The following PRKD1 variants were observed in gnomAD, a reference collection of about 807,000 sequenced individuals.
The protein encoded by PRKD1 is serine/threonine-protein kinase D1.
In PRKD1, 63 loss-of-function variants were observed where a neutral mutation model predicts 95.9. That is an observed-to-expected ratio of 0.66 (90% CI 0.54 to 0.81). The LOEUF (loss-of-function observed/expected upper bound fraction) is 0.81. PRKD1 is among the 30% of genes least tolerant of loss of function. The pLI is 0.00. For missense variants in PRKD1, 1,048 were observed against 1,165.3 expected (o/e 0.90, Z 1.47); for synonymous variants, 425 against 423.1 (o/e 1.00, Z -0.05).
rs1478186657 is a variant in PRKD1, at chr14:29,636,325, T to C, written c.1155A>G (p.Pro385=). 1 of 1,614,242 alleles carries C rather than the reference T, an allele frequency of 6.2e-7. No individual in the cohort carries two copies. The highest frequency in any genetic ancestry group is 8.5e-7 in the Non-Finnish European group (1 of 1,180,034). The change falls in exon 7 of 18, where the codon CCA becomes CCG. Residue 385 remains proline, a synonymous_variant. Coordinates refer to ENST00000331968, the MANE Select transcript of PRKD1 (RefSeq NM_002742.3). ...CQNDSGEMQD[P]DPDHEDANRT... ...TGTTGGCGTCCTCGTGGTCTGGGTC[T>C]GGATCTTGCATCTCGCCACTGTCGT...
chr14:29,636,473 T>G lies in PRKD1; in HGVS notation c.1007A>C (p.Glu336Ala), dbSNP rs1880385680. ...CCCTTCTTCCATGACCACATCAGAC[T>G]CTGCCCCAGGGCTAAGCAAATCTAG... The part of the protein sequence containing the change: ...INGDLLSPGA[E>A]SDVVMEEGSD... Residue 336 changes from glutamate to alanine, a missense_variant, in exon 7 of 18, where the codon GAG becomes GCG. This residue lies in a region of PRKD1 where 739 missense variants were observed against 861.9 expected (regional missense o/e 0.86). Coordinates refer to ENST00000331968, the MANE Select transcript of PRKD1 (RefSeq NM_002742.3). 1 of 1,614,166 alleles carries G rather than the reference T, an allele frequency of 6.2e-7. No homozygotes were observed. The highest frequency in any genetic ancestry group is 8.5e-7 in the Non-Finnish European group (1 of 1,180,010).
intron 1 of PRKD1, among the ~76,000 whole-genome samples, chr14:29,768,954 T>C (rs541679578): frequency 2.0e-5 from 3 of 152,278 alleles, no homozygotes; most frequent in South Asian, 2.1e-4. Context: ...GTCAGGTCAC[T>C]TGTGATCCCT....
At chr14:29,765,126 C>A (rs921138999) in intron 1 of PRKD1, among the ~76,000 whole-genome samples, 3 of 152,002 alleles carry the variant, frequency 2.0e-5, no homozygotes, top group Non-Finnish European at 2.9e-5. Context: ...TGGGAGTGTA[C>A]CTTCATTCTA....
At chr14:29,655,712 A>C (rs139847985) in intron 4 of PRKD1, among the ~76,000 whole-genome samples, 1 of 152,048 alleles carries the variant, frequency 6.6e-6, no homozygotes, top group African/African-American at 2.4e-5. Context: ...GGCTTAACTA[A>C]AACCTTTTTT....
At chr14:29,668,814 G>A (rs903054482) in intron 2 of PRKD1, among the ~76,000 whole-genome samples, 1 of 152,214 alleles carries the variant, frequency 6.6e-6, no homozygotes, top group Admixed American at 6.5e-5. Flanking sequence ...ATGACAAGTT[G>A]AGACTGATAT....
intron 1 of PRKD1, among the ~76,000 whole-genome samples, chr14:29,846,819 A>C (rs1158190341): frequency 1.3e-5 from 2 of 152,182 alleles, no homozygotes; most frequent in East Asian, 3.9e-4. Context: ...CAGAGTTGGG[A>C]TACATTGTAA....
intron 1 of PRKD1, among the ~76,000 whole-genome samples, chr14:29,741,748 A>C (rs1479833623): frequency 6.6e-6 from 1 of 152,082 alleles, no homozygotes; most frequent in African/African-American, 2.4e-5. Flanking sequence ...CTAAAAACTA[A>C]GGTTTTCTTA....
At chr14:29,878,286 C>A (rs1254418463) in intron 1 of PRKD1, among the ~76,000 whole-genome samples, 1 of 148,136 alleles carries the variant, frequency 6.8e-6, no homozygotes, top group Non-Finnish European at 1.5e-5. Context: ...TGCACATGTA[C>A]CCTGAATCTA....
At chr14:29,624,387 A>G in intron 12 of PRKD1, 129 bp from the exon 13 acceptor site, 1 of 521,778 alleles carries the variant, frequency 1.9e-6, no homozygotes, top group Non-Finnish European at 3.3e-6. Context: ...ATTTCTAAAG[A>G]GCACTGACTT....
At chr14:29,838,156 A>T (rs1247874553) in intron 1 of PRKD1, among the ~76,000 whole-genome samples, 2 of 152,158 alleles carry the variant, frequency 1.3e-5, no homozygotes, top group Non-Finnish European at 2.9e-5. Context: ...TAATACCTTT[A>T]GATAGGTTTT....
chr14:29,579,814 T>C (rs1173342927), intron 16 of PRKD1, among the ~76,000 whole-genome samples: 4 of 152,186 alleles, frequency 2.6e-5, no homozygotes, highest in Non-Finnish European at 5.9e-5. Context: ...GCCTATACAC[T>C]CTTGCCTTAC....
At chr14:29,742,232 G>A (rs1465833772) in intron 1 of PRKD1, among the ~76,000 whole-genome samples, 3 of 152,176 alleles carry the variant, frequency 2.0e-5, no homozygotes. Flanking sequence ...GCATGCAGGA[G>A]AGGAAAGGAG....
At chr14:29,612,215 T>C (rs977939121) in intron 13 of PRKD1, among the ~76,000 whole-genome samples, 1 of 152,192 alleles carries the variant, frequency 6.6e-6, no homozygotes. Context: ...AAAATGAGTT[T>C]AACTAACATA....
chr14:29,603,515 AG>A (rs1475689079), intron 13 of PRKD1, among the ~76,000 whole-genome samples: 5 of 152,238 alleles, frequency 3.3e-5, no homozygotes, highest in African/African-American at 1.2e-4. Flanking sequence ...ATAAGAAAAA[AG>A]TTCCAGCTAT....
intron 2 of PRKD1, among the ~76,000 whole-genome samples, chr14:29,681,010 G>C (rs1883510749): frequency 6.6e-6 from 1 of 152,190 alleles, no homozygotes; most frequent in Non-Finnish European, 1.5e-5. Flanking sequence ...CATCTGGTTA[G>C]TTACAGACGC....
chr14:29,755,688 C>T (rs1346347104), intron 1 of PRKD1, among the ~76,000 whole-genome samples: 1 of 152,158 alleles, frequency 6.6e-6, no homozygotes, highest in Non-Finnish European at 1.5e-5. Context: ...CCCTCCAGCC[C>T]TCCAAAAGTT....
chr14:29,821,650 A>T (rs1359115326), intron 1 of PRKD1, among the ~76,000 whole-genome samples: 3 of 152,236 alleles, frequency 2.0e-5, no homozygotes, highest in Non-Finnish European at 2.9e-5. Context: ...CAGGGCTTAT[A>T]AAGCAACATA....
intron 2 of PRKD1, among the ~76,000 whole-genome samples, chr14:29,680,968 G>C (rs2225900): frequency 2.0e-5 from 3 of 151,916 alleles, no homozygotes; most frequent in Non-Finnish European, 1.5e-5. Context: ...GATGAATTGA[G>C]TGGCCTAAGA....
At chr14:29,697,124 C>T (rs1484536484) in intron 2 of PRKD1, among the ~76,000 whole-genome samples, 2 of 151,220 alleles carry the variant, frequency 1.3e-5, no homozygotes, top group African/African-American at 4.9e-5. Context: ...CCTATCTGGC[C>T]CATGCACCGA....
Sources: gnomAD v4.1 joint callset for allele counts (sites outside exome capture counted in the v4.1 genomes callset) on GRCh38, gnomAD v4.1.1 for gene constraint, gnomAD v4.1.1 regional missense constraint, MANE v1.5 for transcripts, NCBI Gene and HGNC (gene_info 2026-07-23, HGNC 2026-07-21) for gene names.